Variants in NR1D2 observed in about 807,000 individuals in gnomAD.
NR1D2 encodes the protein nuclear receptor subfamily 1 group D member 2.
Under a neutral mutation model 52.2 loss-of-function variants are expected in NR1D2, and 25 were observed. That is an observed-to-expected ratio of 0.48 (90% CI 0.35 to 0.67). The LOEUF (loss-of-function observed/expected upper bound fraction) is 0.67, where lower values mean the gene tolerates loss of function less well. NR1D2 is among the 30% of genes least tolerant of loss of function. NR1D2 has a pLI of 0.01. For synonymous variants in NR1D2, 259 were observed against 230.1 expected (o/e 1.13, Z -1.14); for missense variants, 681 against 707.2 (o/e 0.96, Z 0.42).
chr3:23,952,467 T>C (rs1316796692), intron 1 of NR1D2, among the ~76,000 whole-genome samples: 1 of 152,016 alleles, frequency 6.6e-6, no homozygotes, highest in East Asian at 1.9e-4. Flanking sequence ...CTCAGCACTT[T>C]GGGAGGTGGA....
intron 1 of NR1D2, chr3:23,946,365 C>A: frequency 1.1e-6 from 1 of 918,976 alleles, no homozygotes; most frequent in Non-Finnish European, 1.3e-6. Flanking sequence ...GGGCGTGCTG[C>A]AGGCCGGAGG....
intron 7 of NR1D2, among the ~76,000 whole-genome samples, chr3:23,970,113 C>T (rs1706547612): frequency 6.6e-6 from 1 of 152,174 alleles, no homozygotes; most frequent in Non-Finnish European, 1.5e-5. Context: ...TCTGGTTGAA[C>T]AAAGTGATGT....
intron 1 of NR1D2, among the ~76,000 whole-genome samples, chr3:23,948,412 C>G (rs1705833814): frequency 1.3e-5 from 2 of 152,128 alleles, no homozygotes; most frequent in East Asian, 3.8e-4. Flanking sequence ...AGAAAAGTTG[C>G]TCTACTGGTC....
At chr3:23,975,235 A>G (rs1250857114) in intron 7 of NR1D2, among the ~76,000 whole-genome samples, 1 of 151,826 alleles carries the variant, frequency 6.6e-6, no homozygotes, top group African/African-American at 2.4e-5. Flanking sequence ...CTCCCACCTT[A>G]GCCACCCAAG....
intron 3 of NR1D2, among the ~76,000 whole-genome samples, chr3:23,957,492 G>T (rs1381579987): frequency 6.8e-6 from 1 of 146,468 alleles, no homozygotes; most frequent in Non-Finnish European, 1.5e-5. Context: ...CGAGGCGGGC[G>T]GATCACGAGG....
At position 23,961,395 on chromosome 3, in the gene NR1D2, T is replaced by C. The variant is rs190337687; in HGVS notation, c.518-582T>C. 4.1e-3 allele frequency among the ~76,000 whole-genome samples: 592 copies of C among 143,232 alleles called. 4 individuals carry two copies. The highest frequency in any genetic ancestry group is 0.014 in the African/African-American group (552 of 38,542). The allele number at this position is 143,232 out of a possible 152,430, so 94.0% of individuals were successfully genotyped here. A position where few individuals can be genotyped will look rare whatever the true frequency, so the allele number is the denominator to read the frequency against. On this transcript the variant is annotated intron_variant, in intron 4 of 7. Transcript: ENST00000312521. Reference sequence around the variant, plus strand: ...TTCTTTTTTCTTTTTCTTTCTTTTTTTTTTTTTTTTTTTTTTTTAAGATGG... The same window carrying C: ...TTCTTTTTTCTTTTTCTTTCTTTTTCTTTTTTTTTTTTTTTTTTAAGATGG...
chr3:23,946,316 T>C, intron 1 of NR1D2: 1 of 983,784 alleles, frequency 1.0e-6, no homozygotes, highest in Admixed American at 6.1e-5. Flanking sequence ...GGCTGGTAGC[T>C]GCATACCTTG....
At position 23,945,569 on chromosome 3, in the gene NR1D2, C is replaced by T. The variant is rs1330049919; in HGVS notation, c.-10C>T. On this transcript the variant is annotated 5_prime_UTR_variant, in exon 1 of 8. Coordinates refer to ENST00000312521, the MANE Select transcript of NR1D2 (RefSeq NM_005126.5). ...AAGCGGGCGGCCCCGGCCGCCTCCGCGAGGGCACCATGGAGGTGAATGCAG... is the reference window on the plus strand; with the variant it reads ...AAGCGGGCGGCCCCGGCCGCCTCCGTGAGGGCACCATGGAGGTGAATGCAG... 1.3e-5 allele frequency: 15 copies of T among 1,165,916 alleles called. No homozygotes were observed. The highest frequency in any genetic ancestry group is 3.3e-5 in the African/African-American group (2 of 61,092). 72.2% of individuals were successfully genotyped at this position (1,165,916 alleles called of 1,614,324 possible).
At chr3:23,959,593 A>G (rs1303464564) in intron 3 of NR1D2, 78 bp from the exon 4 acceptor site, 2 of 1,376,224 alleles carry the variant, frequency 1.5e-6, no homozygotes, top group Non-Finnish European at 2.0e-6. Context: ...TATACACTAG[A>G]TAGGTATGGG....
chr3:23,947,525 C>T (rs1444227044), intron 1 of NR1D2, among the ~76,000 whole-genome samples: 1 of 152,170 alleles, frequency 6.6e-6, no homozygotes, highest in Non-Finnish European at 1.5e-5. Flanking sequence ...TCCAAGTTGC[C>T]CTCTTTGTCT....
Position 23,976,127 on chromosome 3 carries a change from G to A in NR1D2, c.1544-1096G>A, listed in dbSNP as rs545010322. ...TCTACATAGGTTTGCCTGATTTTAAGATACTTTATTGCAGGCTTATGCCAA... is the reference window on the plus strand; with the variant it reads ...TCTACATAGGTTTGCCTGATTTTAAAATACTTTATTGCAGGCTTATGCCAA... On this transcript the variant is annotated intron_variant, in intron 7 of 7. Coordinates refer to ENST00000312521, the MANE Select transcript of NR1D2 (RefSeq NM_005126.5). Among the ~76,000 whole-genome samples, 93 of 152,226 alleles carry A rather than the reference G, an allele frequency of 6.1e-4. 1 individual carries two copies. The highest frequency in any genetic ancestry group is 1.2e-3 in the Non-Finnish European group (81 of 68,044).
chr3:23,969,663 G>A (rs140041440), intron 7 of NR1D2, among the ~76,000 whole-genome samples: 5 of 152,136 alleles, frequency 3.3e-5, no homozygotes, highest in Non-Finnish European at 7.3e-5. Context: ...AGGTGCTCAG[G>A]GGGAGACAGA....
intron 5 of NR1D2, 184 bp from the exon 6 acceptor site, chr3:23,964,793 G>T: frequency 2.1e-6 from 1 of 472,686 alleles, no homozygotes; most frequent in Non-Finnish European, 3.7e-6. Flanking sequence ...TTTATATTAG[G>T]TTGCCAAGAG....
chr3:23,974,637 A>T (rs554789111), intron 7 of NR1D2, among the ~76,000 whole-genome samples: 3 of 150,790 alleles, frequency 2.0e-5, no homozygotes, highest in Middle Eastern at 3.4e-3. Flanking sequence ...TGTTTTTTTT[A>T]AAAAAACCAT....
In NR1D2 at chr3:23,963,290, C is replaced by G. The variant is rs187471905; in HGVS notation, c.1146+685C>G. ...GTACCACACCATTTCCAGTTTAAAC[C>G]ATGAAGTCCTTTGATAGTGCTTGGT... On this transcript the variant is annotated intron_variant, in intron 5 of 7. Transcript: ENST00000312521. 76 of 1,351,442 alleles carry G rather than the reference C, an allele frequency of 5.6e-5. No individual in the cohort carries two copies. In the African/African-American group the frequency reaches 9.4e-4, roughly 17 times the overall value. 83.7% of individuals were successfully genotyped at this position (1,351,442 alleles called of 1,614,324 possible). A position where few individuals can be genotyped will look rare whatever the true frequency, so the allele number is the denominator to read the frequency against.
chr3:23,973,500 T>C (rs980837205), intron 7 of NR1D2, among the ~76,000 whole-genome samples: 3 of 152,230 alleles, frequency 2.0e-5, no homozygotes, highest in Non-Finnish European at 4.4e-5. Context: ...AAAGCTGGTA[T>C]ACTTGTGTAG....
intron 7 of NR1D2, among the ~76,000 whole-genome samples, chr3:23,971,162 A>G (rs1427360382): frequency 6.6e-6 from 1 of 152,152 alleles, no homozygotes. Context: ...GAAGAGTTTA[A>G]AATGAAAAGT....
At chr3:23,958,600 A>G (rs1026958547) in intron 3 of NR1D2, among the ~76,000 whole-genome samples, 14 of 144,988 alleles carry the variant, frequency 9.7e-5, no homozygotes, top group South Asian at 4.3e-4. Context: ...TTATTACGTC[A>G]TTGTACTCCA....
At chr3:23,964,818 G>C in intron 5 of NR1D2, 159 bp from the exon 6 acceptor site, 1 of 555,342 alleles carries the variant, frequency 1.8e-6, no homozygotes, top group South Asian at 2.6e-5. Context: ...TCTACAGTAT[G>C]GTGGGCAGCA....
Sources: allele counts gnomAD v4.1 joint callset (sites outside exome capture counted in the v4.1 genomes callset), GRCh38; gene constraint gnomAD v4.1.1; transcripts MANE v1.5; gene names NCBI Gene and HGNC (gene_info 2026-07-23, HGNC 2026-07-21).